EPB41L3: variants seen among roughly 807,000 people sequenced by gnomAD.
EPB41L3 encodes band 4.1-like protein 3.
EPB41L3 carries 57 observed loss-of-function variants against 127.1 expected under a neutral mutation model. The observed-to-expected ratio is 0.45, with a 90% CI of 0.36 to 0.56. The LOEUF is 0.56. EPB41L3 is among the 20% of genes least tolerant of loss of function. The probability of loss-of-function intolerance (pLI) is 0.00; values close to 1 mark genes in which losing one functional copy is unlikely to be tolerated. For synonymous variants in EPB41L3, 572 were observed against 549.5 expected (o/e 1.04, Z -0.57); for missense variants, 1,273 against 1,372.2 (o/e 0.93, Z 1.14).
intron 1 of EPB41L3, among the ~76,000 whole-genome samples, chr18:5,496,180 ATCT>A (rs2091157109): frequency 6.6e-6 from 1 of 152,268 alleles, no homozygotes; most frequent in African/African-American, 2.4e-5. Context: ...AAATGTTTAG[ATCT>A]TCTATGCGTG....
chr18:5,528,220 G>A (rs1024935418), intron 1 of EPB41L3, among the ~76,000 whole-genome samples: 3 of 152,142 alleles, frequency 2.0e-5, no homozygotes, highest in African/African-American at 4.8e-5. Context: ...CAAGCGTGGA[G>A]TGCAGTGGTG....
intron 3 of EPB41L3, among the ~76,000 whole-genome samples, chr18:5,450,173 G>A (rs1004069114): frequency 7.2e-5 from 11 of 152,110 alleles, no homozygotes; most frequent in African/African-American, 2.7e-4. Context: ...GGTTGCTAAG[G>A]GTTTGGGGGT....
At chr18:5,394,330 T>C (rs2072953592) in intron 22 of EPB41L3, 1 of 183,952 alleles carries the variant, frequency 5.4e-6, no homozygotes, top group Admixed American at 5.5e-5. Context: ...TTTGTTCCAA[T>C]TAGGCCACAT....
At chr18:5,529,836 A>C (rs1013221695) in intron 1 of EPB41L3, among the ~76,000 whole-genome samples, 3 of 152,028 alleles carry the variant, frequency 2.0e-5, no homozygotes, top group Non-Finnish European at 4.4e-5. Flanking sequence ...CTGATACATG[A>C]AGGCTACTAG....
At chr18:5,520,216 G>A (rs759599096) in intron 1 of EPB41L3, among the ~76,000 whole-genome samples, 2 of 152,170 alleles carry the variant, frequency 1.3e-5, no homozygotes, top group South Asian at 2.1e-4. Flanking sequence ...AGTTGGACAT[G>A]TTTCTGAGTC....
intron 3 of EPB41L3, among the ~76,000 whole-genome samples, chr18:5,580,050 A>T (rs914681753): frequency 6.6e-6 from 1 of 152,198 alleles, no homozygotes; most frequent in African/African-American, 2.4e-5. Context: ...AGAAATTTCC[A>T]CAAGGTCATA....
At chr18:5,553,171 A>G (rs866199681) in intron 3 of EPB41L3, among the ~76,000 whole-genome samples, 1 of 152,248 alleles carries the variant, frequency 6.6e-6, no homozygotes, top group South Asian at 2.1e-4. Context: ...CTAAGAAGCT[A>G]CTAAAAGACT....
intron 2 of EPB41L3, among the ~76,000 whole-genome samples, chr18:5,480,456 A>G (rs558147361): frequency 1.3e-5 from 2 of 152,260 alleles, no homozygotes; most frequent in African/African-American, 4.8e-5. Flanking sequence ...AAGGAGAGAG[A>G]GACATGGGGA....
chr18:5,510,350 G>A (rs990881970), intron 1 of EPB41L3, among the ~76,000 whole-genome samples: 1 of 152,168 alleles, frequency 6.6e-6, no homozygotes. Context: ...CCATCCCCAG[G>A]CAGCTGTAGA....
At chr18:5,559,252 C>G (rs1186910010) in intron 3 of EPB41L3, among the ~76,000 whole-genome samples, 4 of 152,156 alleles carry the variant, frequency 2.6e-5, no homozygotes, top group African/African-American at 9.7e-5. Flanking sequence ...TAAGTCTTGA[C>G]TTATTAAAAG....
intron 1 of EPB41L3, among the ~76,000 whole-genome samples, chr18:5,495,036 G>A (rs373744665): frequency 3.4e-4 from 52 of 152,274 alleles, no homozygotes; most frequent in Non-Finnish European, 5.1e-4. Context: ...AGGGGCAGCC[G>A]GGACAAGTTA....
At chr18:5,427,947 G>A (rs544286426) in intron 9 of EPB41L3, among the ~76,000 whole-genome samples, 41 of 152,096 alleles carry the variant, frequency 2.7e-4, no homozygotes, top group Non-Finnish European at 5.3e-4. Context: ...GCATTTCACC[G>A]TGTTAGCCAG....
At chr18:5,540,032 C>A (rs1196881604) in intron 1 of EPB41L3, among the ~76,000 whole-genome samples, 1 of 152,026 alleles carries the variant, frequency 6.6e-6, no homozygotes, top group African/African-American at 2.4e-5. Flanking sequence ...AGACCACATA[C>A]TTTTTTTAAA....
chr18:5,613,676 T>C (rs989383984), intron 2 of EPB41L3, among the ~76,000 whole-genome samples: 6 of 152,138 alleles, frequency 3.9e-5, no homozygotes, highest in Non-Finnish European at 5.9e-5. Context: ...AGAGTAGAAA[T>C]TTCTACAAGC....
intron 15 of EPB41L3, 57 bp downstream of exon 15, chr18:5,407,644 T>G: frequency 1.3e-6 from 2 of 1,567,740 alleles, no homozygotes; most frequent in Non-Finnish European, 1.8e-6. Context: ...AAACAATGAC[T>G]TATCACACAC....
intron 5 of EPB41L3, among the ~76,000 whole-genome samples, 179 bp from the exon 6 acceptor site, chr18:5,438,289 C>A (rs1267971527): frequency 6.6e-6 from 1 of 152,210 alleles, no homozygotes; most frequent in Non-Finnish European, 1.5e-5. Flanking sequence ...TGTCTAACTT[C>A]TAATCTTCTT....
At chr18:5,537,556 C>T (rs1229616833) in intron 1 of EPB41L3, among the ~76,000 whole-genome samples, 1 of 152,146 alleles carries the variant, frequency 6.6e-6, no homozygotes, top group East Asian at 1.9e-4. Context: ...TTCTTCTTCC[C>T]TACTCAACCA....
intron 3 of EPB41L3, 45 bp from the exon 4 acceptor site, chr18:5,445,289 A>C (rs1262739986): frequency 7.0e-7 from 1 of 1,438,778 alleles, no homozygotes; most frequent in East Asian, 2.3e-5. Context: ...AACACAAAGA[A>C]AGTTCTCCCA....
chr18:5,526,284 C>T (rs1244246074), intron 1 of EPB41L3, among the ~76,000 whole-genome samples: 1 of 152,168 alleles, frequency 6.6e-6, no homozygotes. Flanking sequence ...ACTTAATTCA[C>T]GTGGATCATC....
Sources: gnomAD v4.1 joint callset for allele counts (sites outside exome capture counted in the v4.1 genomes callset) on GRCh38, gnomAD v4.1.1 for gene constraint, MANE v1.5 for transcripts, NCBI Gene and HGNC (gene_info 2026-07-23, HGNC 2026-07-21) for gene names.